CLEC4A: variants seen among roughly 807,000 people sequenced by gnomAD.
CLEC4A encodes C-type lectin domain family 4 member A.
Under a neutral mutation model 32.7 loss-of-function variants are expected in CLEC4A, and 27 were observed. The observed-to-expected ratio is 0.83, with a 90% CI of 0.61 to 1.14. The LOEUF (loss-of-function observed/expected upper bound fraction) is 1.14. CLEC4A is among the 50% of genes most tolerant of loss of function. CLEC4A has a pLI of 0.00. For synonymous variants in CLEC4A, 89 were observed against 93.7 expected, an observed-to-expected ratio of 0.95 and a Z score of 0.29; for missense variants, 253 against 274.6, an observed-to-expected ratio of 0.92 and a Z score of 0.55.
rs1486995954 is a variant in CLEC4A, at chr12:8,123,756, C to T, written c.-123C>T. On this transcript the variant is annotated 5_prime_UTR_variant, in exon 1 of 6. Transcript: ENST00000229332. ...GATATGTGCCTATCTGGTGCCTCTGCTCTCCACTAGTTGAGTGAAAGGAAG... is the reference window on the plus strand; with the variant it reads ...GATATGTGCCTATCTGGTGCCTCTGTTCTCCACTAGTTGAGTGAAAGGAAG... The T allele has an allele frequency of 1.5e-6, 1 of 667,366 alleles. No individual in the cohort carries two copies. The highest frequency in any genetic ancestry group is 2.7e-6 in the Non-Finnish European group (1 of 371,292). 41.3% of individuals were successfully genotyped at this position (667,366 alleles called of 1,614,324 possible).
chr12:8,134,438 GTCCTGGGAC>G lies in CLEC4A; in HGVS notation c.299-1142_299-1134del, dbSNP rs773023038. 1.9e-4 allele frequency: 307 copies of G among 1,613,926 alleles called. No individual in the cohort carries two copies. In the African/African-American group the frequency reaches 3.8e-3, roughly 20 times the overall value. Reference sequence around the variant, plus strand: ...CGAGTTCTTTCTGCAGAGCTTTGATGTCCTGGGACTCCTCCGGGTTTTGCTCCAGCTTCT... The same window carrying G: ...CGAGTTCTTTCTGCAGAGCTTTGATGTCCTCCGGGTTTTGCTCCAGCTTCT... On this transcript the variant is annotated intron_variant, in intron 3 of 5. Coordinates refer to ENST00000229332, the MANE Select transcript of CLEC4A (RefSeq NM_016184.4).
At chr12:8,117,232 C>T in the CLEC4A span, among the ~76,000 whole-genome samples, 10 of 147,892 alleles carry the variant, frequency 6.8e-5, no homozygotes, top group Admixed American at 6.7e-4. Context: ...TTGGGCTCTT[C>T]TTTTTTTTTT....
At chr12:8,103,373 G>GTTTTTTTTTTTTTTTTTTTTTTTTTTT in the CLEC4A span, among the ~76,000 whole-genome samples, 208 of 78,010 alleles carry the variant, frequency 2.7e-3, 47 homozygotes, top group Middle Eastern at 8.5e-3. Flanking sequence ...GTTTCTTTCT[G>GTTTTTTTTTTTTTTTTTTTTTTTTTTT]TTGTTTTTTT....
chr12:8,125,675 T>C lies in CLEC4A; in HGVS notation c.197T>C (p.Val66Ala). Residue 66 changes from valine to alanine, a missense_variant and splice_region_variant, in exon 2 of 6, where the codon GTC (valine) becomes GCC (alanine). Physicochemically the swap from Val to Ala is moderately conservative, Grantham distance 64. Transcript: ENST00000229332. ...GCAATCTCATTCTTTATTGCTTTTGTCAGTAAGTATGCCAACTGAACCAAT... is the reference window on the plus strand; with the variant it reads ...GCAATCTCATTCTTTATTGCTTTTGCCAGTAAGTATGCCAACTGAACCAAT... Reference protein sequence around the residue: ...LLAISFFIAFVIFFQKYSQLL... With the variant: ...LLAISFFIAFAIFFQKYSQLL... 6.4e-7 allele frequency: 1 copy of C among 1,564,268 alleles called. No homozygotes were observed. Among genetic ancestry groups the C allele is most frequent in the Non-Finnish European group, 8.8e-7 (1 of 1,134,602 alleles).
Position 8,135,731 on chromosome 12 carries a change from G to T in CLEC4A, c.445G>T (p.Glu149Ter). The change falls in exon 4 of 6, where the codon GAG (glutamate) becomes TAG (stop). Residue 149 changes from glutamate (E) to a stop codon, truncating the protein, a stop_gained. Transcript: ENST00000229332. LOFTEE classifies it high-confidence loss of function. ...CCTGCTGGTGATAAACACTCAAGAA[G>T]AGCAGGTACTTTCTAATAGATAATG... is the stretch of plus-strand genomic sequence containing the variant. ...AHLLVINTQE[E>*]QDFIFQNLQE... 6.2e-7 allele frequency: 1 copy of T among 1,613,940 alleles called. No homozygotes were observed.
In CLEC4A at chr12:8,131,138, A is replaced by G. The variant is rs115052036; in HGVS notation, c.298+1776A>G. Among the ~76,000 whole-genome samples, 1,149 of 152,228 alleles carry G rather than the reference A, an allele frequency of 7.5e-3. 17 individuals are homozygous for G. Among genetic ancestry groups the G allele is most frequent in the African/African-American group, 0.026 (1,083 of 41,534 alleles). On this transcript the variant is annotated intron_variant, in intron 3 of 5. Transcript: ENST00000229332. Reference sequence around the variant, plus strand: ...AGGAAGATCACAGATGTAAAATGCTATTTTCATTACATCATATCAAGGGCA... The same window carrying G: ...AGGAAGATCACAGATGTAAAATGCTGTTTTCATTACATCATATCAAGGGCA...
the CLEC4A span, among the ~76,000 whole-genome samples, chr12:8,105,354 T>TC: frequency 6.6e-6 from 1 of 150,940 alleles, no homozygotes; most frequent in African/African-American, 2.4e-5. Flanking sequence ...TTCTTTTCTT[T>TC]TTTTTTTTTT....
chr12:8,138,034 C>T, intron 5 of CLEC4A, 106 bp from the exon 6 acceptor site: 1 of 1,259,514 alleles, frequency 7.9e-7, no homozygotes, highest in East Asian at 2.6e-5. Context: ...TTGGGCATAT[C>T]TGACCCTATG....
intron 4 of CLEC4A, 94 bp from the exon 5 acceptor site, chr12:8,136,694 A>C (rs1948122669): frequency 1.2e-5 from 9 of 720,322 alleles, no homozygotes; most frequent in Non-Finnish European, 1.9e-5. Flanking sequence ...CTGTTGCTGG[A>C]TCCTCTCCTT....
the CLEC4A span, among the ~76,000 whole-genome samples, chr12:8,103,973 A>G: frequency 6.6e-6 from 1 of 152,200 alleles, no homozygotes; most frequent in Non-Finnish European, 1.5e-5. Flanking sequence ...ATGTACTTGC[A>G]GTACTTCCCA....
intron 2 of CLEC4A, 72 bp from the exon 3 acceptor site, chr12:8,129,192 C>G (rs923599125): frequency 2.0e-5 from 19 of 942,314 alleles, no homozygotes; most frequent in Admixed American, 2.6e-5. Context: ...ATAAAGAATG[C>G]AAGAAAGTAA....
the CLEC4A span, among the ~76,000 whole-genome samples, chr12:8,107,108 CT>C: frequency 6.6e-6 from 1 of 151,902 alleles, no homozygotes; most frequent in African/African-American, 2.4e-5. Flanking sequence ...TATCAAAAGC[CT>C]TTTTTTGCAT....
At chr12:8,111,084 A>G in the CLEC4A span, among the ~76,000 whole-genome samples, 1 of 151,870 alleles carries the variant, frequency 6.6e-6, no homozygotes, top group Non-Finnish European at 1.5e-5. Flanking sequence ...TGTGTTAGCC[A>G]GGATGGTCTC....
intron 2 of CLEC4A, 36 bp from the exon 3 acceptor site, chr12:8,129,228 A>G: frequency 7.5e-7 from 1 of 1,330,484 alleles, no homozygotes; most frequent in South Asian, 1.3e-5. Context: ...TCATAATGCT[A>G]CCAGGAAAAT....
chr12:8,102,912 A>G, the CLEC4A span, among the ~76,000 whole-genome samples: 1 of 152,156 alleles, frequency 6.6e-6, no homozygotes, highest in Non-Finnish European at 1.5e-5. Flanking sequence ...CTGTAGGAGG[A>G]CTTAAGAGAC....
chr12:8,109,852 C>T, the CLEC4A span, among the ~76,000 whole-genome samples: 2 of 151,988 alleles, frequency 1.3e-5, no homozygotes, highest in Non-Finnish European at 2.9e-5. Context: ...GGTGTAAGGG[C>T]GAAATGACAG....
In CLEC4A at chr12:8,125,557, T is replaced by A; in HGVS notation, c.83-4T>A. On this transcript the variant is annotated splice_polypyrimidine_tract_variant and splice_region_variant and intron_variant, in intron 1 of 5. Transcript: ENST00000229332. The stretch of plus-strand genomic sequence containing the variant: ...TGATAAAACTAATTTGGCTTCTTCT[T>A]CAGCTTCCAAGGAGAGGACTGCCCC... 6.4e-7 allele frequency: 1 copy of A among 1,573,846 alleles called. No homozygotes were observed. Among genetic ancestry groups the A allele is most frequent in the African/African-American group, 1.3e-5 (1 of 74,496 alleles).
chr12:8,133,103 TG>T (rs1948028649), intron 3 of CLEC4A, among the ~76,000 whole-genome samples: 1 of 152,074 alleles, frequency 6.6e-6, no homozygotes, highest in Non-Finnish European at 1.5e-5. Flanking sequence ...TTAGTAGATA[TG>T]GGGTTTCACC....
At chr12:8,129,193 AAGAAAGTAAC>A in intron 2 of CLEC4A, 61 bp from the exon 3 acceptor site, 1 of 976,758 alleles carries the variant, frequency 1.0e-6, no homozygotes, top group Non-Finnish European at 1.6e-6. Flanking sequence ...TAAAGAATGC[AAGAAAGTAAC>A]GATAAAGAGC....
Sources: gnomAD v4.1 joint callset for allele counts (sites outside exome capture counted in the v4.1 genomes callset) on GRCh38, gnomAD v4.1.1 for gene constraint, MANE v1.5 for transcripts, NCBI Gene and HGNC (gene_info 2026-07-23, HGNC 2026-07-21) for gene names.